ARHGAP24: variants seen among roughly 807,000 people sequenced by gnomAD.
ARHGAP24 encodes the protein rho GTPase-activating protein 24.
In ARHGAP24, 50 loss-of-function variants were observed where a neutral mutation model predicts 76.4. The observed-to-expected ratio is 0.65, with a 90% CI of 0.52 to 0.83. The LOEUF (loss-of-function observed/expected upper bound fraction) is 0.83, where lower values mean the gene tolerates loss of function less well. ARHGAP24 is among the 40% of genes least tolerant of loss of function. The probability of loss-of-function intolerance (pLI) is 0.00; values close to 1 mark genes in which losing one functional copy is unlikely to be tolerated. For missense variants in ARHGAP24, 930 were observed against 914.2 expected (o/e 1.02, Z -0.22); for synonymous variants, 345 against 323.3 (o/e 1.07, Z -0.72).
chr4:85,514,966 A>G (rs867188869), intron 1 of ARHGAP24, among the ~76,000 whole-genome samples: 76 of 152,158 alleles, frequency 5.0e-4, no homozygotes, highest in African/African-American at 1.7e-3. Flanking sequence ...GAAGCCAGAT[A>G]GGGAAGGAAT....
chr4:85,870,082 CT>C (rs1732438459), intron 3 of ARHGAP24, among the ~76,000 whole-genome samples: 1 of 152,064 alleles, frequency 6.6e-6, no homozygotes, highest in Admixed American at 6.6e-5. Context: ...GCATATAAAG[CT>C]TTTTTAAAAA....
At chr4:85,920,645 C>T (rs1475682036) in intron 3 of ARHGAP24, among the ~76,000 whole-genome samples, 3 of 152,058 alleles carry the variant, frequency 2.0e-5, no homozygotes, top group Non-Finnish European at 4.4e-5. Context: ...GTTCTAATAT[C>T]TAGCATCTAT....
At chr4:85,871,437 A>G (rs1196320739) in intron 3 of ARHGAP24, among the ~76,000 whole-genome samples, 1 of 152,040 alleles carries the variant, frequency 6.6e-6, no homozygotes, top group Non-Finnish European at 1.5e-5. Context: ...TCGTTGATCA[A>G]CTCTTTCTTT....
At chr4:85,583,172 C>A (rs1419225234) in intron 2 of ARHGAP24, among the ~76,000 whole-genome samples, 1 of 152,080 alleles carries the variant, frequency 6.6e-6, no homozygotes, top group Non-Finnish European at 1.5e-5. Context: ...GTAACTAACT[C>A]AAACTATTCC....
chr4:85,942,036 C>T (rs1231099856), intron 4 of ARHGAP24, 30 bp from the exon 5 acceptor site: 1 of 1,602,772 alleles, frequency 6.2e-7, no homozygotes, highest in Non-Finnish European at 8.5e-7. Context: ...GATAAATTTC[C>T]CAAGTTTACT....
intron 1 of ARHGAP24, among the ~76,000 whole-genome samples, chr4:85,528,411 G>A (rs1725109483): frequency 6.6e-6 from 1 of 152,064 alleles, no homozygotes; most frequent in Non-Finnish European, 1.5e-5. Flanking sequence ...AAAATTATGA[G>A]TAGGTATGTA....
At chr4:85,683,125 G>GGGGGGGGGGGGGGGGA (rs1553922590) in intron 2 of ARHGAP24, among the ~76,000 whole-genome samples, 1 of 107,658 alleles carries the variant, frequency 9.3e-6, no homozygotes, top group Non-Finnish European at 1.9e-5. Flanking sequence ...GGTGGGGGGG[G>GGGGGGGGGGGGGGGGA]GGTGCGGGGG....
chr4:85,991,506 G>A (rs550352134), intron 8 of ARHGAP24: 1 of 152,114 alleles, frequency 6.6e-6, no homozygotes, highest in Non-Finnish European at 1.5e-5. Context: ...TCTACAGCAA[G>A]TAATACTATT....
At chr4:85,608,884 A>G (rs1720294041) in intron 2 of ARHGAP24, among the ~76,000 whole-genome samples, 1 of 152,042 alleles carries the variant, frequency 6.6e-6, no homozygotes, top group Non-Finnish European at 1.5e-5. Context: ...TTAAATATGA[A>G]TTTATTAATA....
rs982792026 is a variant in ARHGAP24 at position 85,689,387 on chromosome 4, A to T, written c.181-32498A>T. On this transcript the variant is annotated intron_variant, in intron 2 of 9. Coordinates refer to ENST00000395184, the MANE Select transcript of ARHGAP24 (RefSeq NM_001025616.3). ...GATAGAAATGCTAGTGATTTTTTTT[A>T]AATTTTTAATTTTTTTTGAAACAGA... Among the ~76,000 whole-genome samples, 73 of 151,920 alleles carry T rather than the reference A, an allele frequency of 4.8e-4. 1 individual carries two copies. Among genetic ancestry groups the T allele is most frequent in the East Asian group, 1.5e-3 (8 of 5,172 alleles).
intron 5 of ARHGAP24, among the ~76,000 whole-genome samples, chr4:85,970,681 A>G (rs1738918520): frequency 6.6e-6 from 1 of 152,100 alleles, no homozygotes; most frequent in Non-Finnish European, 1.5e-5. Context: ...CTGAGGCAGG[A>G]AACCCCAGTG....
At chr4:85,903,977 A>T (rs7699391) in intron 3 of ARHGAP24, among the ~76,000 whole-genome samples, 45,470 of 151,996 alleles carry the variant, frequency 0.3, 6,944 homozygotes, top group South Asian at 0.43. Context: ...GGGGGAAATT[A>T]AAAAAAAGAA....
At chr4:85,814,617 G>A (rs1421873475) in intron 3 of ARHGAP24, among the ~76,000 whole-genome samples, 1 of 152,084 alleles carries the variant, frequency 6.6e-6, no homozygotes, top group Non-Finnish European at 1.5e-5. Flanking sequence ...CAGGGTCTTG[G>A]GCAGCTCCAC....
intron 3 of ARHGAP24, among the ~76,000 whole-genome samples, chr4:85,879,703 T>G (rs961265708): frequency 3.3e-5 from 5 of 151,880 alleles, no homozygotes; most frequent in Non-Finnish European, 5.9e-5. Flanking sequence ...TTTAATTAAT[T>G]ATGTAATTTA....
Position 85,977,678 on chromosome 4 carries a change from G to A in ARHGAP24, c.915G>A (p.Leu305=), listed in dbSNP as rs1295653379. Residue 305 remains leucine, a synonymous_variant, in exon 8 of 10, where the codon TTG becomes TTA. Transcript: ENST00000395184. ...NILRPKVEDP[L]TIMEGTVVVQ... is the part of the protein sequence containing the mutation. ...TGCGCCCCAAAGTGGAAGATCCTTT[G>A]ACTATCATGGAGGGTAAGTAAATGA... The A allele has an allele frequency of 6.2e-7, 1 of 1,613,744 alleles. No homozygotes were observed. The highest frequency in any genetic ancestry group is 2.2e-5 in the East Asian group (1 of 44,834).
intron 3 of ARHGAP24, among the ~76,000 whole-genome samples, chr4:85,817,120 T>C (rs1310072942): frequency 6.6e-6 from 1 of 152,174 alleles, no homozygotes; most frequent in Non-Finnish European, 1.5e-5. Context: ...AATTGAGTCA[T>C]TTGTTTTCTC....
intron 2 of ARHGAP24, among the ~76,000 whole-genome samples, chr4:85,648,763 A>C (rs2109978283): frequency 6.6e-6 from 1 of 152,164 alleles, no homozygotes; most frequent in Admixed American, 6.6e-5. Flanking sequence ...CTGGTCTATT[A>C]TCTTTTAATT....
intron 3 of ARHGAP24, among the ~76,000 whole-genome samples, chr4:85,803,485 CA>C (rs1180535483): frequency 1.3e-5 from 2 of 152,182 alleles, no homozygotes; most frequent in Non-Finnish European, 1.5e-5. Flanking sequence ...AGCTTGAGAA[CA>C]ATTTTTATAC....
chr4:85,576,280 A>G (rs1727369274), intron 2 of ARHGAP24, among the ~76,000 whole-genome samples: 1 of 152,026 alleles, frequency 6.6e-6, no homozygotes, highest in Non-Finnish European at 1.5e-5. Context: ...CAAAAACAAA[A>G]TTAGCCGGGC....
Sources: allele counts gnomAD v4.1 joint callset (sites outside exome capture counted in the v4.1 genomes callset), GRCh38; gene constraint gnomAD v4.1.1; transcripts MANE v1.5; gene names NCBI Gene and HGNC (gene_info 2026-07-23, HGNC 2026-07-21).